Variants in OTOF observed in about 807,000 individuals in gnomAD.
The protein encoded by OTOF is otoferlin, also known as fer-1-like family member 2.
A neutral mutation model predicts 236.8 loss-of-function variants in OTOF; 218 were observed. The ratio of observed to expected loss-of-function variants is 0.92; its 90% CI spans 0.82 to 1.03. The LOEUF (loss-of-function observed/expected upper bound fraction) is 1.03. Among genes scored for constraint, OTOF ranks in the 50% least tolerant of loss-of-function variants. The pLI is 0.00. For synonymous variants in OTOF, 1,041 were observed against 1,072.5 expected (o/e 0.97, Z 0.57); for missense variants, 2,590 against 2,694.4 (o/e 0.96, Z 0.86).
In OTOF at chr2:26,547,944, T is replaced by C. The variant is rs1030399580; in HGVS notation, c.80-10170A>G. 1.3e-4 allele frequency among the ~76,000 whole-genome samples: 20 copies of C among 152,264 alleles called. 1 individual carries two copies. The highest frequency in any genetic ancestry group is 4.8e-4 in the African/African-American group (20 of 41,472). ...TTTATTGTCATCATCATCATTGTTATTACAAATTCAATTTCTTTAATAGAT... is the reference window on the plus strand; with the variant it reads ...TTTATTGTCATCATCATCATTGTTACTACAAATTCAATTTCTTTAATAGAT... On this transcript the variant is annotated intron_variant, in intron 1 of 46. Transcript: ENST00000272371.
intron 1 of OTOF, among the ~76,000 whole-genome samples, chr2:26,553,365 C>A (rs1233144420): frequency 3.9e-5 from 6 of 152,228 alleles, no homozygotes; most frequent in Non-Finnish European, 7.3e-5. Flanking sequence ...TCACTTCCTG[C>A]ATCTCCATAG....
At chr2:26,474,835 T>A (rs951045239) in intron 25 of OTOF, among the ~76,000 whole-genome samples, 161 bp from the exon 26 acceptor site, 13 of 152,046 alleles carry the variant, frequency 8.6e-5, no homozygotes, top group Non-Finnish European at 1.3e-4. Context: ...CAAAGACTTG[T>A]TCAAGGCCAA....
intron 1 of OTOF, among the ~76,000 whole-genome samples, chr2:26,545,295 G>T (rs774478824): frequency 6.6e-6 from 1 of 152,022 alleles, no homozygotes; most frequent in South Asian, 2.1e-4. Context: ...TTGGCCATAC[G>T]TCTATCTTAT....
Position 26,467,488 on chromosome 2 carries a change from T to G in OTOF, c.4104A>C (p.Ser1368=). ...CCCTTGCCTTCTCCTTGCCCTTCAT[T>G]GACCCCTTCAGGCCTGGCCAGAAGC... ...EVDNTEGLKG[S]MKGKEKARAA... The change falls in exon 34 of 47, where the codon TCA becomes TCC. Residue 1368 remains serine (S), a synonymous_variant. Coordinates refer to ENST00000272371, the MANE Select transcript of OTOF (RefSeq NM_194248.3). The G allele has an allele frequency of 6.2e-7, 1 of 1,613,986 alleles. No individual in the cohort carries two copies.
intron 1 of OTOF, among the ~76,000 whole-genome samples, chr2:26,557,945 TGAGAA>T (rs1667635611): frequency 6.6e-6 from 1 of 151,496 alleles, no homozygotes; most frequent in Non-Finnish European, 1.5e-5. Context: ...GTGAAAAGGA[TGAGAA>T]AAGACCAGAC....
Position 26,477,174 on chromosome 2 carries a change from C to T in OTOF, c.2521G>A (p.Glu841Lys), listed in dbSNP as rs772729658. ...AGCCCCGACCCCTTGGGCCGCACCT[C>T]GTCCGCCAGGAAGCGCAGCTTCTGC... ...FLQKLRFLAD[E>K]PQHSIPDIFI... is the part of the protein sequence containing the mutation. Residue 841 changes from glutamate (E) to lysine (K), a missense_variant and splice_region_variant, in exon 21 of 47, where the codon GAG (glutamate) becomes AAG (lysine). Glu to Lys is a moderately conservative substitution (Grantham distance 56). This residue lies in a region of OTOF where 1,379 missense variants were observed against 1,341.6 expected (regional missense o/e 1.03). Coordinates refer to ENST00000272371, the MANE Select transcript of OTOF (RefSeq NM_194248.3). This position sits in a 1 kb window ranked among gnomAD's most constrained non-coding sequence, Gnocchi z 4.7. 1.6e-5 allele frequency: 26 copies of T among 1,609,814 alleles called. No individual in the cohort carries two copies. The highest frequency in any genetic ancestry group is 1.1e-4 in the East Asian group (5 of 44,874).
chr2:26,534,772 G>T (rs1235247830), intron 2 of OTOF, among the ~76,000 whole-genome samples: 2 of 139,986 alleles, frequency 1.4e-5, no homozygotes, highest in East Asian at 2.1e-4. Flanking sequence ...TGTGGTGTAG[G>T]TCTCATGACT....
rs1295781489 is a variant in OTOF, at chr2:26,480,286, A to T, written c.1829T>A (p.Phe610Tyr). Residue 610 changes from phenylalanine (F) to tyrosine (Y), a missense_variant, in exon 16 of 47, where the codon TTC becomes TAC. Around this residue, in one of 2 missense-constraint regions of OTOF, gnomAD observed 1,379 missense variants for 1,341.6 expected, o/e 1.03. Coordinates refer to ENST00000272371, the MANE Select transcript of OTOF (RefSeq NM_194248.3). The stretch of plus-strand genomic sequence containing the variant: ...CTCCAGGAAGGCTCCAAAGAGAAAG[A>T]ATTCTTCCATTTTACCTGCACAGCT... ...SESCAGKMEE[F>Y]FLFGAFLEAS... The T allele has an allele frequency of 3.1e-6, 5 of 1,611,298 alleles. No individual in the cohort carries two copies. Among genetic ancestry groups the T allele is most frequent in the African/African-American group, 2.7e-5 (2 of 74,908 alleles).
chr2:26,491,107 G>A (rs1272231164), intron 9 of OTOF, among the ~76,000 whole-genome samples: 5 of 152,186 alleles, frequency 3.3e-5, no homozygotes, highest in African/African-American at 1.2e-4. Context: ...AGTTAGGCCG[G>A]GGAGATGGAG....
chr2:26,539,936 C>G (rs930954744), intron 1 of OTOF, among the ~76,000 whole-genome samples: 6 of 152,056 alleles, frequency 3.9e-5, no homozygotes, highest in Non-Finnish European at 2.9e-5. Flanking sequence ...AGACAAACAC[C>G]CTTTTTGTTT....
At chr2:26,534,284 G>A (rs752489520) in intron 2 of OTOF, among the ~76,000 whole-genome samples, 11 of 152,128 alleles carry the variant, frequency 7.2e-5, no homozygotes, top group Non-Finnish European at 1.6e-4. Flanking sequence ...TCTCCCCTGG[G>A]GCCTGCTCCA....
At chr2:26,556,876 C>T (rs1667598347) in intron 1 of OTOF, among the ~76,000 whole-genome samples, 1 of 152,238 alleles carries the variant, frequency 6.6e-6, no homozygotes, top group South Asian at 2.1e-4. Flanking sequence ...CACTATGCTG[C>T]CCGTGGAGCT....
intron 1 of OTOF, among the ~76,000 whole-genome samples, chr2:26,557,372 C>A (rs942951858): frequency 7.2e-5 from 11 of 152,210 alleles, no homozygotes; most frequent in African/African-American, 2.4e-4. Flanking sequence ...GAGAAGTACC[C>A]CCAACCCTCA....
At chr2:26,545,040 CA>C (rs56104110) in intron 1 of OTOF, among the ~76,000 whole-genome samples, 123,772 of 136,522 alleles carry the variant, frequency 0.91, 55,968 homozygotes, top group East Asian at 0.98. Flanking sequence ...GATGCCATCC[CA>C]AAAAAAAAAA....
At chr2:26,464,627 A>T (rs2148025708) in intron 39 of OTOF, among the ~76,000 whole-genome samples, 1 of 152,198 alleles carries the variant, frequency 6.6e-6, no homozygotes, top group South Asian at 2.1e-4. Flanking sequence ...TAGCCTCTCT[A>T]CCTCACTGGG....
rs927175726 is a variant in OTOF at position 26,554,968 on chromosome 2, C to T, written c.79+3525G>A. Among the ~76,000 whole-genome samples the T allele has an allele frequency of 5.9e-5, 9 of 152,284 alleles. No individual in the cohort carries two copies. The South Asian group carries it at 1.2e-3, about 21-fold the overall frequency. ...GGGGATAGAAAGAGAAGGGAGACAT[C>T]AGGGTTGGCCCTGGACTGTCTGTCA... On this transcript the variant is annotated intron_variant, in intron 1 of 46. Transcript: ENST00000272371.
At chr2:26,482,378 C>T in intron 14 of OTOF, 28 bp downstream of exon 14, 1 of 1,609,232 alleles carries the variant, frequency 6.2e-7, no homozygotes, top group Admixed American at 1.7e-5. Flanking sequence ...CCTCTGCCCC[C>T]CAGCACACCG....
In OTOF at chr2:26,489,737, A is replaced by T; in HGVS notation, c.901T>A (p.Phe301Ile). The change falls in exon 10 of 47, where the codon TTC becomes ATC. Residue 301 changes from phenylalanine to isoleucine, a missense_variant. Coordinates refer to ENST00000272371, the MANE Select transcript of OTOF (RefSeq NM_194248.3). ...GGAGAGACATGGAAGTCGAAGACGA[A>T]GTACTGGAGGGGGAAGGATCCAGGC... ...STNCPYYNEYFVFDFHVSPDV... is the reference protein window; with the variant it reads ...STNCPYYNEYIVFDFHVSPDV... The T allele has an allele frequency of 6.2e-7, 1 of 1,612,570 alleles. No individual in the cohort carries two copies. Among genetic ancestry groups the T allele is most frequent in the African/African-American group, 1.3e-5 (1 of 75,054 alleles).
chr2:26,532,197 A>C (rs1363358639), intron 2 of OTOF, among the ~76,000 whole-genome samples: 1 of 151,916 alleles, frequency 6.6e-6, no homozygotes, highest in South Asian at 2.1e-4. Flanking sequence ...CCCATAACCA[A>C]GCTCACAGCA....
Sources: gnomAD v4.1 joint callset for allele counts (sites outside exome capture counted in the v4.1 genomes callset) on GRCh38, gnomAD v4.1.1 for gene constraint, gnomAD v4.1.1 regional missense constraint, Gnocchi (gnomAD v3.1) non-coding constraint, MANE v1.5 for transcripts, NCBI Gene and HGNC (gene_info 2026-07-23, HGNC 2026-07-21) for gene names.